ZNF600: variants seen among roughly 807,000 people sequenced by gnomAD.
ZNF600 encodes zinc finger protein KR-ZNF1.
In ZNF600, 4 loss-of-function variants were observed where a neutral mutation model predicts 7.3. The observed-to-expected ratio is 0.55, with a 90% CI of 0.27 to 1.25. The LOEUF (loss-of-function observed/expected upper bound fraction) is 1.25, where lower values mean the gene tolerates loss of function less well. Among genes scored for constraint, ZNF600 ranks in the 50% most tolerant of loss-of-function variants. The pLI is 0.12. For synonymous variants in ZNF600, 290 were observed against 308.9 expected (o/e 0.94, Z 0.64); for missense variants, 911 against 922.1 (o/e 0.99, Z 0.16).
At chr19:52,789,447 C>G (rs185809756), upstream of ZNF600, among the ~76,000 whole-genome samples, 163 of 152,340 alleles carry the variant, frequency 1.1e-3, 1 homozygote, top group Non-Finnish European at 1.9e-3. Context: ...ATGTAACTTT[C>G]TCTTCTATAC....
downstream of ZNF600, chr19:52,764,354 G>GCT (rs2062551951): frequency 6.6e-6 from 1 of 151,844 alleles, no homozygotes; most frequent in Non-Finnish European, 1.5e-5. Context: ...GGAACTAAAG[G>GCT]TGCACACCAC....
At chr19:52,824,475 A>G in the ZNF600 span, among the ~76,000 whole-genome samples, 1 of 152,124 alleles carries the variant, frequency 6.6e-6, no homozygotes, top group African/African-American at 2.4e-5. Context: ...TCTCTACTAA[A>G]GATACAAAAA....
At position 52,780,694 on chromosome 19, in the gene ZNF600, C is replaced by T. The variant is rs2062713518; in HGVS notation, c.-19-1787G>A. 1 of 152,148 alleles carries T rather than the reference C, an allele frequency of 6.6e-6. No individual in the cohort carries two copies. The highest frequency in any genetic ancestry group is 1.5e-5 in the Non-Finnish European group (1 of 68,048). The allele number at this position is 152,148 out of a possible 1,614,324, so 9.4% of individuals were successfully genotyped here. ...AGTGAGCTGATATCATGGCATTGCACTCCAGCCTCAGCCACAAGAGTGAAA... is the reference window on the plus strand; with the variant it reads ...AGTGAGCTGATATCATGGCATTGCATTCCAGCCTCAGCCACAAGAGTGAAA... On this transcript the variant is annotated intron_variant, in intron 1 of 3. In the 5' UTR this introduces an upstream ATG that the reference lacks. Transcript: ENST00000648973.
intron 1 of ZNF600, among the ~76,000 whole-genome samples, chr19:52,783,229 AT>A (rs2062737480): frequency 6.6e-6 from 1 of 152,126 alleles, no homozygotes; most frequent in South Asian, 2.1e-4. Flanking sequence ...ATTTAAACTA[AT>A]TTTAAATTTG....
upstream of ZNF600, among the ~76,000 whole-genome samples, chr19:52,788,565 G>A (rs2062783511): frequency 6.6e-6 from 1 of 152,136 alleles, no homozygotes; most frequent in Non-Finnish European, 1.5e-5. Flanking sequence ...GAGATAAGAA[G>A]GTGCCACAGG....
upstream of ZNF600, among the ~76,000 whole-genome samples, chr19:52,790,681 CCTTT>C (rs1351146391): frequency 7.3e-6 from 1 of 137,488 alleles, no homozygotes; most frequent in Non-Finnish European, 1.5e-5. Context: ...CTCTCTCTCT[CCTTT>C]TTTTTTTTTT....
the ZNF600 span, chr19:52,800,749 G>T: frequency 6.2e-7 from 1 of 1,612,986 alleles, no homozygotes; most frequent in Non-Finnish European, 8.5e-7. Flanking sequence ...GTTGACAGTC[G>T]ATTAAAAACC....
At chr19:52,798,934 G>C in the ZNF600 span, 1 of 1,424,336 alleles carries the variant, frequency 7.0e-7, no homozygotes, top group Non-Finnish European at 9.5e-7. Context: ...CATTGCACTT[G>C]TAAGGTTTCT....
At chr19:52,765,486 T>C (rs370920863) in exon 4 of ZNF600, 137 of 1,556,148 alleles carry the variant, frequency 8.8e-5, no homozygotes, top group East Asian at 5.8e-4. Context: ...TCTGAAAAAT[T>C]TGCCACATTT....
At chr19:52,784,964 T>C (rs992198332) in intron 1 of ZNF600, among the ~76,000 whole-genome samples, 3 of 152,272 alleles carry the variant, frequency 2.0e-5, no homozygotes, top group Admixed American at 1.3e-4. Flanking sequence ...CTTGAACTCC[T>C]AGACTCAAGC....
chr19:52,810,887 CTCCCCCTCCCCCTCCCT>C, the ZNF600 span, among the ~76,000 whole-genome samples: 2 of 13,470 alleles, frequency 1.5e-4, no homozygotes, highest in African/African-American at 3.2e-4. Context: ...CCCCCTCCCC[CTCCCCCTCCCCCTCCCT>C]CTCCCTCTCC....
chr19:52,823,022 C>T, the ZNF600 span, among the ~76,000 whole-genome samples: 1 of 152,090 alleles, frequency 6.6e-6, no homozygotes, highest in Non-Finnish European at 1.5e-5. Flanking sequence ...TCACATTTTC[C>T]ATTCAAGGCC....
intron 1 of ZNF600, among the ~76,000 whole-genome samples, 82 bp downstream of exon 3, chr19:52,780,499 G>A (rs1466334861): frequency 6.6e-6 from 1 of 152,142 alleles, no homozygotes. Context: ...AGAGAGGAGG[G>A]CACAGGTAGG....
chr19:52,792,814 G>A, the ZNF600 span, among the ~76,000 whole-genome samples: 1 of 151,230 alleles, frequency 6.6e-6, no homozygotes, highest in Non-Finnish European at 1.5e-5. Context: ...CTCACTGCAA[G>A]CTCCGCCTCC....
chr19:52,784,700 C>T (rs1600402479), intron 1 of ZNF600, among the ~76,000 whole-genome samples: 1 of 152,186 alleles, frequency 6.6e-6, no homozygotes, highest in African/African-American at 2.4e-5. Context: ...ATCCAATGAA[C>T]TCACCCACTT....
the ZNF600 span, chr19:52,810,575 C>T: frequency 6.1e-5 from 97 of 1,580,638 alleles, 1 homozygote; most frequent in South Asian, 9.8e-4. Context: ...GGGTCTTCCA[C>T]GAGCCCGCTA....
chr19:52,790,787 A>G (rs1475973620), upstream of ZNF600, among the ~76,000 whole-genome samples: 1 of 150,240 alleles, frequency 6.7e-6, no homozygotes, highest in Non-Finnish European at 1.5e-5. Flanking sequence ...CCCGGATTCA[A>G]GTGACTCTCC....
chr19:52,802,364 T>C, the ZNF600 span, among the ~76,000 whole-genome samples: 1 of 130,080 alleles, frequency 7.7e-6, no homozygotes, highest in African/African-American at 3.0e-5. Flanking sequence ...TGAGCCTCCA[T>C]CTCAAAAAAA....
chr19:52,783,194 G>C (rs2062737215), intron 1 of ZNF600, among the ~76,000 whole-genome samples: 1 of 151,860 alleles, frequency 6.6e-6, no homozygotes, highest in African/African-American at 2.4e-5. Flanking sequence ...ACAGGAGTTT[G>C]GCAACTCTCA....
Sources: allele counts gnomAD v4.1 joint callset (sites outside exome capture counted in the v4.1 genomes callset), GRCh38; gene constraint gnomAD v4.1.1; transcripts MANE v1.5; gene names NCBI Gene and HGNC (gene_info 2026-07-23, HGNC 2026-07-21).